Variants in NEBL observed in about 807,000 individuals in gnomAD.
NEBL encodes the protein LIM and SH3 protein 2.
In NEBL, 122 loss-of-function variants were observed where a neutral mutation model predicts 140.2. The observed-to-expected ratio is 0.87, with a 90% CI of 0.75 to 1.01. NEBL has a LOEUF of 1.01. Among genes scored for constraint, NEBL ranks in the 50% least tolerant of loss-of-function variants. The pLI is 0.00. For synonymous variants in NEBL, 436 were observed against 398.9 expected (o/e 1.09, Z -1.11); for missense variants, 1,365 against 1,231.3 (o/e 1.11, Z -1.62).
chr10:21,153,599 G>A (rs1279402566), intron 2 of NEBL, among the ~76,000 whole-genome samples: 2 of 152,040 alleles, frequency 1.3e-5, no homozygotes, highest in African/African-American at 4.8e-5. Context: ...TGCAATCTCA[G>A]CTCACTGCAA....
intron 4 of NEBL, among the ~76,000 whole-genome samples, chr10:20,886,225 A>G (rs1380658748): frequency 1.3e-5 from 2 of 152,144 alleles, no homozygotes; most frequent in African/African-American, 4.8e-5. Flanking sequence ...CTCTACTTAA[A>G]AAGATTCTGG....
intron 3 of NEBL, among the ~76,000 whole-genome samples, chr10:20,991,081 A>G (rs1321273707): frequency 2.0e-5 from 3 of 152,246 alleles, no homozygotes; most frequent in Non-Finnish European, 4.4e-5. Flanking sequence ...GCTATAATTT[A>G]ATAAACAAAA....
At chr10:21,125,490 A>G (rs1838781004) in intron 2 of NEBL, among the ~76,000 whole-genome samples, 1 of 152,228 alleles carries the variant, frequency 6.6e-6, no homozygotes, top group Admixed American at 6.5e-5. Flanking sequence ...GAAATCTAGC[A>G]TCATTCTTGC....
In NEBL at chr10:20,950,468, T is replaced by G. The variant is rs137996321; in HGVS notation, c.357+11204A>C. Reference sequence around the variant, plus strand: ...TTATATTCATCTCTTCCCTTCCTTCTGCCTCTTCTCCCTCATAAACACTTT... The same window carrying G: ...TTATATTCATCTCTTCCCTTCCTTCGGCCTCTTCTCCCTCATAAACACTTT... On this transcript the variant is annotated intron_variant, in intron 4 of 6. Coordinates refer to the NEBL transcript ENST00000417816. Among the ~76,000 whole-genome samples, 339 of 152,326 alleles carry G rather than the reference T, an allele frequency of 2.2e-3. 1 individual carries two copies. Among genetic ancestry groups the G allele is most frequent in the African/African-American group, 7.9e-3 (328 of 41,568 alleles).
chr10:21,083,771 G>C (rs997876152), intron 2 of NEBL, among the ~76,000 whole-genome samples: 5 of 152,204 alleles, frequency 3.3e-5, no homozygotes, highest in African/African-American at 1.2e-4. Context: ...CTTGAGCCCA[G>C]GAGGTGGAGG....
At chr10:21,262,366 A>C (rs954471418) in intron 1 of NEBL, among the ~76,000 whole-genome samples, 2 of 152,160 alleles carry the variant, frequency 1.3e-5, no homozygotes, top group South Asian at 2.1e-4. Context: ...CAGGATTTAG[A>C]AGGGAAGGTG....
At chr10:21,289,048 C>T (rs1843107256) in intron 1 of NEBL, among the ~76,000 whole-genome samples, 1 of 150,900 alleles carries the variant, frequency 6.6e-6, no homozygotes, top group Non-Finnish European at 1.5e-5. Context: ...AGGGTTTCAC[C>T]ATCTTGGCCA....
Position 20,819,761 on chromosome 10 carries a change from G to C in NEBL, c.1963-245C>G, listed in dbSNP as rs535096650. On this transcript the variant is annotated intron_variant, in intron 19 of 27. Transcript: ENST00000377122. ...TATTTTTGAGACAAGGTCTTGCTCC[G>C]TTGTCCAGGCTGGAGTGCAGTGGCG... 3.7e-4 allele frequency among the ~76,000 whole-genome samples: 56 copies of C among 152,098 alleles called. No individual in the cohort carries two copies. The South Asian group carries it at 0.011, about 29-fold the overall frequency.
At chr10:20,909,161 A>G (rs1301969274) in intron 4 of NEBL, among the ~76,000 whole-genome samples, 1 of 150,932 alleles carries the variant, frequency 6.6e-6, no homozygotes, top group African/African-American at 2.4e-5. Flanking sequence ...ATCCAACTAC[A>G]CTCTTTGCAT....
At chr10:21,030,534 C>T (rs1374362074) in intron 2 of NEBL, 9 of 796,944 alleles carry the variant, frequency 1.1e-5, no homozygotes, top group Admixed American at 5.4e-5. Context: ...GAGGTTCTAA[C>T]CCTCCTGCTC....
chr10:21,048,954 G>A (rs993061487), intron 2 of NEBL, among the ~76,000 whole-genome samples: 4 of 152,170 alleles, frequency 2.6e-5, no homozygotes, highest in South Asian at 4.1e-4. Flanking sequence ...AGGTTGCAGT[G>A]AGCCAAGGTC....
rs768016567 is a variant in NEBL at position 21,173,818 on chromosome 10, C to T, written c.16G>A (p.Ala6Thr). The T allele has an allele frequency of 1.9e-6, 3 of 1,612,658 alleles. No individual in the cohort carries two copies. Among genetic ancestry groups the T allele is most frequent in the South Asian group, 2.2e-5 (2 of 91,074 alleles). Residue 6 changes from alanine to threonine, a missense_variant, in exon 1 of 7, where the codon GCC becomes ACC. Transcript: ENST00000417816. The surrounding 1 kb of genome is among the most constrained non-coding windows in gnomAD (Gnocchi z 5.7). Reference sequence around the variant, plus strand: ...GGATACACGACTTTTCCGCAACGGGCGCACTGGGGGTTCATGATCGCGGTT... The same window carrying T: ...GGATACACGACTTTTCCGCAACGGGTGCACTGGGGGTTCATGATCGCGGTT...
intron 2 of NEBL, among the ~76,000 whole-genome samples, chr10:21,120,630 C>G (rs1402449544): frequency 7.0e-6 from 1 of 142,932 alleles, no homozygotes; most frequent in Non-Finnish European, 1.5e-5. Context: ...CTCCCATCAT[C>G]CTTCTATATT....
chr10:21,165,342 T>A (rs1038485383), intron 2 of NEBL, among the ~76,000 whole-genome samples: 1 of 152,150 alleles, frequency 6.6e-6, no homozygotes, highest in Non-Finnish European at 1.5e-5. Flanking sequence ...CGTGAGACTA[T>A]CCCAACAGCA....
At chr10:21,009,429 C>T (rs528696198) in intron 3 of NEBL, among the ~76,000 whole-genome samples, 1 of 152,250 alleles carries the variant, frequency 6.6e-6, no homozygotes, top group Non-Finnish European at 1.5e-5. Flanking sequence ...AGCTCAGTGT[C>T]AGTCAAAAGG....
intron 4 of NEBL, among the ~76,000 whole-genome samples, chr10:20,956,643 A>G (rs1252217470): frequency 6.6e-6 from 1 of 152,174 alleles, no homozygotes. Context: ...AGATTTTACT[A>G]CTCAAAATCA....
intron 1 of NEBL, chr10:21,172,495 A>C (rs1417869921): frequency 3.8e-6 from 6 of 1,564,856 alleles, no homozygotes; most frequent in South Asian, 2.2e-5. Flanking sequence ...AAAAAAAAAA[A>C]CATTTAAAAA....
chr10:21,025,451 G>A (rs1838985568), intron 2 of NEBL, among the ~76,000 whole-genome samples: 1 of 152,206 alleles, frequency 6.6e-6, no homozygotes, highest in Non-Finnish European at 1.5e-5. Flanking sequence ...ATCTGAAATA[G>A]TAAAGTTAGG....
chr10:20,872,413 T>C (rs558034965), intron 5 of NEBL, among the ~76,000 whole-genome samples: 1 of 152,150 alleles, frequency 6.6e-6, no homozygotes, highest in African/African-American at 2.4e-5. Context: ...GGGGCTTATG[T>C]TGGGGGACAT....
Sources: allele counts gnomAD v4.1 joint callset (sites outside exome capture counted in the v4.1 genomes callset), GRCh38; gene constraint gnomAD v4.1.1; non-coding constraint Gnocchi (gnomAD v3.1); transcripts MANE v1.5; gene names NCBI Gene and HGNC (gene_info 2026-07-23, HGNC 2026-07-21).